The following CERT1 variants were observed in gnomAD, a reference collection of about 807,000 sequenced individuals.
CERT1 encodes the protein ceramide transporter 1, also known as ceramide transfer protein.
CERT1 carries 31 observed loss-of-function variants against 87.9 expected under a neutral mutation model. The observed-to-expected ratio is 0.35, with a 90% CI of 0.27 to 0.48. CERT1 has a LOEUF of 0.48. Among genes scored for constraint, CERT1 ranks in the 20% least tolerant of loss-of-function variants. The probability of loss-of-function intolerance (pLI) is 0.99; values close to 1 mark genes in which losing one functional copy is unlikely to be tolerated. For missense variants in CERT1, 487 were observed against 758.0 expected (o/e 0.64, Z 4.20); for synonymous variants, 289 against 250.9 (o/e 1.15, Z -1.44).
chr5:75,445,921 A>C (rs1179141319), intron 3 of CERT1, among the ~76,000 whole-genome samples: 1 of 152,210 alleles, frequency 6.6e-6, no homozygotes, highest in Non-Finnish European at 1.5e-5. Context: ...TTCCTTTTAT[A>C]TGATGAGCTG....
In CERT1 at chr5:75,403,115, G is replaced by A. The variant is rs375548929; in HGVS notation, c.931-57C>T. ...TTTATTTAAAGAAACAGAAAACTCT[G>A]ATAACTCTGGTATTAACTTGAGTTT... On this transcript the variant is annotated intron_variant, in intron 8 of 16. Transcript: ENST00000643780. The A allele has an allele frequency of 5.1e-5, 58 of 1,126,540 alleles. No individual in the cohort carries two copies. The African/African-American group carries it at 8.7e-4, about 17-fold the overall frequency. 69.8% of individuals were successfully genotyped at this position (1,126,540 alleles called of 1,614,324 possible).
downstream of CERT1, chr5:75,375,635 T>TAAATA (rs1761272210): frequency 2.9e-5 from 4 of 136,680 alleles, no homozygotes; most frequent in South Asian, 9.2e-4. Context: ...ATAAATAAAA[T>TAAATA]AAATAAAAAT....
Position 75,384,805 on chromosome 5 carries a change from T to A in CERT1, c.1418-93A>T. 5.0e-6 allele frequency: 4 copies of A among 792,764 alleles called. No individual in the cohort carries two copies. The South Asian group carries it at 6.3e-5, about 12-fold the overall frequency. 49.1% of individuals were successfully genotyped at this position (792,764 alleles called of 1,614,324 possible). A position where few individuals can be genotyped will look rare whatever the true frequency, so the allele number is the denominator to read the frequency against. ...GAAAGTCAAGTACGAATGGACAGTA[T>A]GGTAAATTGAACAGGATCCTGCCCT... On this transcript the variant is annotated intron_variant, in intron 13 of 16. Coordinates refer to ENST00000643780, the MANE Select transcript of CERT1 (RefSeq NM_001379029.1).
intron 3 of CERT1, among the ~76,000 whole-genome samples, chr5:75,438,091 T>TA (rs1764170415): frequency 6.6e-6 from 1 of 152,100 alleles, no homozygotes. Context: ...GATTTTAGAA[T>TA]AAAAATTAAA....
chr5:75,412,588 T>G (rs1359221252), intron 7 of CERT1, among the ~76,000 whole-genome samples: 1 of 152,178 alleles, frequency 6.6e-6, no homozygotes, highest in Non-Finnish European at 1.5e-5. Context: ...TATATAAACC[T>G]AGATGGTATA....
intron 2 of CERT1, among the ~76,000 whole-genome samples, chr5:75,462,411 C>T (rs893784018): frequency 3.3e-5 from 5 of 152,108 alleles, no homozygotes; most frequent in Admixed American, 2.0e-4. Flanking sequence ...AAATAGTTCA[C>T]GATAGGGTTT....
At chr5:75,382,796 A>G (rs1294277267) in intron 14 of CERT1, among the ~76,000 whole-genome samples, 1 of 152,016 alleles carries the variant, frequency 6.6e-6, no homozygotes, top group Non-Finnish European at 1.5e-5. Context: ...ATCATTTGCA[A>G]GATGAAATGA....
chr5:75,400,426 T>G (rs1263699160), intron 9 of CERT1, 129 bp from the exon 10 acceptor site: 3 of 596,358 alleles, frequency 5.0e-6, no homozygotes, highest in Non-Finnish European at 5.9e-6. Flanking sequence ...CCATTAGAAT[T>G]ATGAAACTAC....
intron 9 of CERT1, chr5:75,400,517 T>C (rs953317109): frequency 2.2e-6 from 1 of 459,452 alleles, no homozygotes; most frequent in Non-Finnish European, 3.9e-6. Context: ...GATACTATGT[T>C]AGGCAAGGGA....
intron 8 of CERT1, among the ~76,000 whole-genome samples, chr5:75,405,667 T>C (rs1354002242): frequency 6.6e-6 from 1 of 152,194 alleles, no homozygotes; most frequent in Non-Finnish European, 1.5e-5. Flanking sequence ...TTTTGATTTA[T>C]GTGGTTTATA....
chr5:75,479,835 G>A (rs1482466573), intron 2 of CERT1, among the ~76,000 whole-genome samples: 1 of 152,110 alleles, frequency 6.6e-6, no homozygotes, highest in Admixed American at 6.5e-5. Context: ...TTGAATGGTA[G>A]TTTTGCTTTT....
intron 1 of CERT1, among the ~76,000 whole-genome samples, chr5:75,510,471 G>A (rs955769529): frequency 6.6e-6 from 1 of 152,026 alleles, no homozygotes; most frequent in African/African-American, 2.4e-5. Flanking sequence ...TGCTCTTCCT[G>A]GACTAAAGAT....
At chr5:75,429,815 A>G (rs1033878373) in intron 3 of CERT1, among the ~76,000 whole-genome samples, 7 of 150,898 alleles carry the variant, frequency 4.6e-5, no homozygotes, top group African/African-American at 2.4e-5. Flanking sequence ...CAGAAACTAG[A>G]TAAGTTCATC....
intron 2 of CERT1, among the ~76,000 whole-genome samples, chr5:75,499,556 T>C (rs1347227483): frequency 6.6e-6 from 1 of 152,124 alleles, no homozygotes; most frequent in East Asian, 1.9e-4. Context: ...GAACTGTGAG[T>C]CAATTAAATC....
At position 75,505,001 on chromosome 5, in the gene CERT1, A is replaced by C. The variant is rs184944340; in HGVS notation, c.231+981T>G. Among the ~76,000 whole-genome samples the C allele has an allele frequency of 2.2e-3, 337 of 152,302 alleles. 2 individuals carry two copies. The highest frequency in any genetic ancestry group is 7.7e-3 in the African/African-American group (322 of 41,570). On this transcript the variant is annotated intron_variant, in intron 2 of 16. Coordinates refer to ENST00000643780, the MANE Select transcript of CERT1 (RefSeq NM_001379029.1). Reference sequence around the variant, plus strand: ...TATATACTAAGTTAAATGTAAACTAAGTAGGCCAGGCGCGGTGGCTCATGC... The same window carrying C: ...TATATACTAAGTTAAATGTAAACTACGTAGGCCAGGCGCGGTGGCTCATGC...
At chr5:75,397,721 T>G (rs13354109) in intron 11 of CERT1, among the ~76,000 whole-genome samples, 1,666 of 152,292 alleles carry the variant, frequency 0.011, 19 homozygotes, top group South Asian at 0.023. Flanking sequence ...ATGAGTCTCT[T>G]TTTAAAAACA....
rs148142010 is a variant in CERT1 at position 75,469,045 on chromosome 5, A to C, written c.232-9864T>G. On this transcript the variant is annotated intron_variant, in intron 2 of 16. Transcript: ENST00000643780. The stretch of plus-strand genomic sequence containing the variant: ...AAGGAAGCTCAATGAACTTCAAGAA[A>C]ATACACAGAAACATTGAACAAAATG... 2.0e-3 allele frequency among the ~76,000 whole-genome samples: 303 copies of C among 152,292 alleles called. 1 individual carries two copies. The highest frequency in any genetic ancestry group is 6.8e-3 in the African/African-American group (283 of 41,574).
intron 9 of CERT1, chr5:75,402,352 A>G (rs1466687234): frequency 2.6e-5 from 4 of 152,248 alleles, no homozygotes; most frequent in Non-Finnish European, 5.9e-5. Context: ...CTTTATATTA[A>G]AAGAATGTTT....
chr5:75,440,403 G>C (rs1235366656), intron 3 of CERT1, among the ~76,000 whole-genome samples: 1 of 151,990 alleles, frequency 6.6e-6, no homozygotes, highest in Non-Finnish European at 1.5e-5. Context: ...CTGAAAATCA[G>C]AACATTTGCA....
Sources: allele counts gnomAD v4.1 joint callset (sites outside exome capture counted in the v4.1 genomes callset), GRCh38; gene constraint gnomAD v4.1.1; transcripts MANE v1.5; gene names NCBI Gene and HGNC (gene_info 2026-07-23, HGNC 2026-07-21).